RBBP8NL: variants seen among roughly 807,000 people sequenced by gnomAD.
The protein encoded by RBBP8NL is RBBP8 N-terminal-like protein.
In RBBP8NL, 59 loss-of-function variants were observed where a neutral mutation model predicts 62.2. That is an observed-to-expected ratio of 0.95 (90% CI 0.77 to 1.18). The LOEUF (loss-of-function observed/expected upper bound fraction) is 1.18. Among genes scored for constraint, RBBP8NL ranks in the 50% most tolerant of loss-of-function variants. RBBP8NL has a pLI of 0.00. For missense variants in RBBP8NL, 896 were observed against 899.5 expected (o/e 1.00, Z 0.05); for synonymous variants, 412 against 394.1 (o/e 1.05, Z -0.54).
intron 6 of RBBP8NL, 76 bp downstream of exon 6, chr20:62,416,088 A>G: frequency 6.6e-7 from 1 of 1,508,778 alleles, no homozygotes; most frequent in Non-Finnish European, 9.1e-7. Flanking sequence ...CGGTTCCCCC[A>G]GGGACGTGTG....
chr20:62,426,286 A>G (rs1988807015), intron 1 of RBBP8NL, among the ~76,000 whole-genome samples: 1 of 152,254 alleles, frequency 6.6e-6, no homozygotes, highest in Admixed American at 6.5e-5. Context: ...TCCCACTTGC[A>G]TGGGCACTGA....
chr20:62,414,984 A>T, intron 9 of RBBP8NL, 137 bp downstream of exon 9: 1 of 958,220 alleles, frequency 1.0e-6, no homozygotes. Flanking sequence ...ACTTTGCTCC[A>T]GGCTGGGTGC....
rs972537760 is a variant in RBBP8NL at position 62,414,656 on chromosome 20, G to A, written c.795-100C>T. On this transcript the variant is annotated intron_variant, in intron 9 of 13. Transcript: ENST00000252998. The stretch of plus-strand genomic sequence containing the variant: ...GACGACAGGCACCCACTCCACAGGC[G>A]AGGAAACTGAGGTCCAGAGAGGTGC... 4.6e-6 allele frequency: 6 copies of A among 1,308,480 alleles called. No homozygotes were observed. The South Asian group carries it at 6.5e-5, about 14-fold the overall frequency. The allele number at this position is 1,308,480 out of a possible 1,614,324, so 81.1% of individuals were successfully genotyped here.
intron 9 of RBBP8NL, 64 bp downstream of exon 9, chr20:62,415,057 G>T: frequency 7.2e-7 from 1 of 1,396,778 alleles, no homozygotes; most frequent in Non-Finnish European, 9.4e-7. Context: ...ACTGCCCTGG[G>T]ACCAGGGGCT....
rs756930564 is a variant in RBBP8NL, at chr20:62,412,670, CTGCCCGTGCTCCTGGG to C, written c.1814_1829del (p.Thr605ArgfsTer28). The C allele has an allele frequency of 1.2e-6, 2 of 1,608,254 alleles. No individual in the cohort carries two copies. Among genetic ancestry groups the C allele is most frequent in the Non-Finnish European group, 8.5e-7 (1 of 1,179,936 alleles). On this transcript the variant is annotated frameshift_variant, in exon 13 of 14. Coordinates refer to ENST00000252998, the MANE Select transcript of RBBP8NL (RefSeq NM_080833.3). LOFTEE classifies it low-confidence loss of function (END_TRUNC). ...CCCGCTTCCTCTTCCGTGGTGGACC[CTGCCCGTGCTCCTGGG>C]TGCAGATGCACTCAGGCCCCTCCCC...
chr20:62,416,274 GGGGGGGACAGGGGCA>G (rs748286226), intron 5 of RBBP8NL, 38 bp from the exon 6 acceptor site: 2 of 1,343,794 alleles, frequency 1.5e-6, no homozygotes, highest in Admixed American at 2.0e-5. Flanking sequence ...GCCAGGGGTT[GGGGGGGACAGGGGCA>G]GGGGTGGGGT....
chr20:62,413,312 C>G lies in RBBP8NL; in HGVS notation c.1675+89G>C, dbSNP rs147188694. On this transcript the variant is annotated intron_variant, in intron 11 of 13. Transcript: ENST00000252998. The stretch of plus-strand genomic sequence containing the variant: ...CAGGGCAGAGCTGGGCCTGGAGACA[C>G]CCACTCCTGGTGGGCACTGACCACC... 2,311 of 1,351,420 alleles carry G rather than the reference C, an allele frequency of 1.7e-3. 76 individuals are homozygous for G. The Admixed American group carries it at 0.058, about 34-fold the overall frequency. 83.7% of individuals were successfully genotyped at this position (1,351,420 alleles called of 1,614,324 possible).
At chr20:62,416,933 A>G (rs1988582298) in intron 4 of RBBP8NL, 61 bp from the exon 5 acceptor site, 1 of 1,276,418 alleles carries the variant, frequency 7.8e-7, no homozygotes. Flanking sequence ...AGGGCCTGGG[A>G]CACTCACTGC....
At chr20:62,413,134 C>T (rs1260983595) in intron 11 of RBBP8NL, among the ~76,000 whole-genome samples, 4 of 152,268 alleles carry the variant, frequency 2.6e-5, no homozygotes, top group Admixed American at 2.0e-4. Flanking sequence ...CATGATGGGG[C>T]ACTCACAGCC....
intron 1 of RBBP8NL, among the ~76,000 whole-genome samples, chr20:62,423,994 CT>C (rs1432484001): frequency 6.6e-6 from 1 of 150,600 alleles, no homozygotes; most frequent in African/African-American, 2.5e-5. Flanking sequence ...GCTGGGGGAA[CT>C]CGGAAGGAGG....
intron 1 of RBBP8NL, among the ~76,000 whole-genome samples, chr20:62,423,413 C>T (rs1022571125): frequency 6.6e-6 from 1 of 152,094 alleles, no homozygotes; most frequent in African/African-American, 2.4e-5. Context: ...GCCAAGGGGG[C>T]CCCTGGGAGG....
At chr20:62,421,289 T>C (rs902089922) in intron 1 of RBBP8NL, among the ~76,000 whole-genome samples, 1 of 149,304 alleles carries the variant, frequency 6.7e-6, no homozygotes, top group Non-Finnish European at 1.5e-5. Context: ...CCAGTGTGCG[T>C]GTGTGTGTGC....
At chr20:62,425,056 T>C (rs1202330726) in intron 1 of RBBP8NL, among the ~76,000 whole-genome samples, 2 of 152,156 alleles carry the variant, frequency 1.3e-5, no homozygotes, top group African/African-American at 4.8e-5. Flanking sequence ...AAGTTGCTTT[T>C]CCTCTCTGAG....
At chr20:62,417,989 C>T (rs534295748) in intron 3 of RBBP8NL, among the ~76,000 whole-genome samples, 1 of 144,332 alleles carries the variant, frequency 6.9e-6, no homozygotes, top group South Asian at 2.1e-4. Flanking sequence ...ACCGCCCCCC[C>T]TGTCATCTGC....
intron 1 of RBBP8NL, among the ~76,000 whole-genome samples, chr20:62,427,095 G>A (rs1988827627): frequency 6.6e-6 from 1 of 152,230 alleles, no homozygotes; most frequent in African/African-American, 2.4e-5. Context: ...TTATCCTCTT[G>A]TGAACCTGGA....
intron 2 of RBBP8NL, among the ~76,000 whole-genome samples, chr20:62,418,966 G>A (rs938328481): frequency 6.6e-6 from 1 of 152,154 alleles, no homozygotes; most frequent in Non-Finnish European, 1.5e-5. Flanking sequence ...GGGTGTGGGT[G>A]CTCAGTGGAA....
Position 62,417,243 on chromosome 20 carries a change from G to C in RBBP8NL, c.181C>G (p.Leu61Val). 5 of 1,605,218 alleles carry C rather than the reference G, an allele frequency of 3.1e-6. No homozygotes were observed. The highest frequency in any genetic ancestry group is 4.5e-5 in the East Asian group (2 of 44,606). The part of the protein sequence containing the change: ...REQQKTLKEN[L>V]RVLENRLRAG... ...GCCCACCTGTTCTCCAGCACCCGCA[G>C]GTTCTCCTTCAGTGTCTTCTGCTGT... Residue 61 changes from leucine (L) to valine (V), a missense_variant, in exon 4 of 14, where the codon CTG (leucine) becomes GTG (valine). By Grantham distance (32) the Leu-to-Val change is conservative. Coordinates refer to ENST00000252998, the MANE Select transcript of RBBP8NL (RefSeq NM_080833.3).
chr20:62,419,592 A>T lies in RBBP8NL; in HGVS notation c.56T>A (p.Val19Asp), dbSNP rs759104880. 5 of 1,613,434 alleles carry T rather than the reference A, an allele frequency of 3.1e-6. No individual in the cohort carries two copies. Among genetic ancestry groups the T allele is most frequent in the Non-Finnish European group, 4.2e-6 (5 of 1,179,870 alleles). Residue 19 changes from valine to aspartate, a missense_variant, in exon 2 of 14, where the codon GTC becomes GAC. Physicochemically the swap from Val to Asp is radical, Grantham distance 152. Transcript: ENST00000252998. ...NRLKEIHEKE[V>D]LGLQNKLLEL... ...ATCTGTCCCTGGCCCCTCACCCAGG[A>T]CTTCCTTCTCGTGGATCTCCTTCAG...
At chr20:62,417,025 C>T (rs1988584222) in intron 4 of RBBP8NL, among the ~76,000 whole-genome samples, 153 bp from the exon 5 acceptor site, 1 of 152,144 alleles carries the variant, frequency 6.6e-6, no homozygotes, top group African/African-American at 2.4e-5. Flanking sequence ...GGCTAGGTGT[C>T]CCATGTTCCA....
Sources: allele counts gnomAD v4.1 joint callset (sites outside exome capture counted in the v4.1 genomes callset), GRCh38; gene constraint gnomAD v4.1.1; transcripts MANE v1.5; gene names NCBI Gene and HGNC (gene_info 2026-07-23, HGNC 2026-07-21).